Variants in POR observed in about 807,000 individuals in gnomAD.
POR encodes the protein NADPH--cytochrome P450 reductase.
A neutral mutation model predicts 84.0 loss-of-function variants in POR; 56 were observed. The ratio of observed to expected loss-of-function variants is 0.67; its 90% CI spans 0.54 to 0.83. The LOEUF (loss-of-function observed/expected upper bound fraction) is 0.83. Among genes scored for constraint, POR ranks in the 40% least tolerant of loss-of-function variants. POR has a pLI of 0.00. For missense variants in POR, 938 were observed against 944.3 expected (o/e 0.99, Z 0.09); for synonymous variants, 414 against 400.5 (o/e 1.03, Z -0.40).
intron 2 of POR, among the ~76,000 whole-genome samples, chr7:75,959,366 G>C (rs116695005): frequency 2.0e-5 from 3 of 152,318 alleles, no homozygotes; most frequent in Non-Finnish European, 4.4e-5. Flanking sequence ...GAGCAGTAGG[G>C]AGTAATAGGG....
chr7:75,940,910 C>T (rs1451424726), intron 1 of POR, among the ~76,000 whole-genome samples: 1 of 152,186 alleles, frequency 6.6e-6, no homozygotes, highest in African/African-American at 2.4e-5. Flanking sequence ...CCTGGAATCC[C>T]AGGACTTTGG....
At chr7:75,951,475 A>G (rs1787418593) in intron 1 of POR, among the ~76,000 whole-genome samples, 1 of 152,226 alleles carries the variant, frequency 6.6e-6, no homozygotes, top group Admixed American at 6.5e-5. Flanking sequence ...GATTAGTGAG[A>G]AAGCAAAGAC....
chr7:75,967,877 A>G, intron 2 of POR: 3 of 363,130 alleles, frequency 8.3e-6, no homozygotes, highest in South Asian at 5.9e-5. Context: ...ATGGGGGCAG[A>G]CGCAGGCAGG....
At chr7:75,927,449 C>G (rs182273856) in intron 1 of POR, among the ~76,000 whole-genome samples, 58 of 151,172 alleles carry the variant, frequency 3.8e-4, no homozygotes, top group Non-Finnish European at 6.9e-4. Flanking sequence ...AGAGTGAGAC[C>G]CTGTCTCAAA....
In POR at chr7:75,982,087, G is replaced by A. The variant is rs546640988; in HGVS notation, c.732-137G>A. The A allele has an allele frequency of 4.7e-5, 32 of 685,038 alleles. No individual in the cohort carries two copies. The Admixed American group carries it at 5.2e-4, about 11-fold the overall frequency. 42.4% of individuals were successfully genotyped at this position (685,038 alleles called of 1,614,324 possible). On this transcript the variant is annotated intron_variant, in intron 7 of 15. Coordinates refer to ENST00000461988, the MANE Select transcript of POR (RefSeq NM_000941.3). Reference sequence around the variant, plus strand: ...GCCCTCCTTGTGCATCTGCAGCAGGGGCTCCCCTGCTTCTTGTCGTATGTA... The same window carrying A: ...GCCCTCCTTGTGCATCTGCAGCAGGAGCTCCCCTGCTTCTTGTCGTATGTA...
chr7:75,980,279 G>A, intron 4 of POR, 60 bp from the exon 5 acceptor site: 2 of 1,574,360 alleles, frequency 1.3e-6, no homozygotes, highest in South Asian at 1.2e-5. Flanking sequence ...ATCTGGTGCG[G>A]GTTGAACCTT....
At position 75,986,473 on chromosome 7, in the gene POR, T is replaced by G; in HGVS notation, c.2035T>G (p.Trp679Gly). ...CAAGGGCCGCTACTCCCTGGACGTG[T>G]GGAGCTAGGGGCCTGCCTGCCCCAC... The change falls in exon 16 of 16, where the codon TGG becomes GGG. Residue 679 changes from tryptophan (W) to glycine (G), a missense_variant. By Grantham distance (184) the Trp-to-Gly change is radical. Coordinates refer to ENST00000461988, the MANE Select transcript of POR (RefSeq NM_000941.3). 2 of 1,609,724 alleles carry G rather than the reference T, an allele frequency of 1.2e-6. No homozygotes were observed. Among genetic ancestry groups the G allele is most frequent in the Non-Finnish European group, 1.7e-6 (2 of 1,179,612 alleles).
At chr7:75,930,261 T>A (rs1807347888) in intron 1 of POR, among the ~76,000 whole-genome samples, 1 of 152,126 alleles carries the variant, frequency 6.6e-6, no homozygotes, top group African/African-American at 2.4e-5. Flanking sequence ...GGCCTTTCTC[T>A]CTTCTGCAAT....
intron 1 of POR, among the ~76,000 whole-genome samples, chr7:75,953,472 C>G (rs1047509262): frequency 6.6e-6 from 1 of 152,114 alleles, no homozygotes; most frequent in East Asian, 1.9e-4. Context: ...GACACTCTTG[C>G]CAGTCAGGAT....
intron 1 of POR, among the ~76,000 whole-genome samples, chr7:75,926,560 C>T: frequency 6.6e-6 from 1 of 151,916 alleles, no homozygotes; most frequent in Admixed American, 6.6e-5. Flanking sequence ...CTTTGGGAGG[C>T]CGAGGCGGGC....
chr7:75,955,910 C>T (rs959491310), intron 2 of POR, among the ~76,000 whole-genome samples: 2 of 152,174 alleles, frequency 1.3e-5, no homozygotes, highest in South Asian at 2.1e-4. Context: ...CAGCCTTCCC[C>T]GCCAGAACAC....
chr7:75,937,291 C>CAAAAAAAAA (rs1227123390), intron 1 of POR, among the ~76,000 whole-genome samples: 8 of 66,132 alleles, frequency 1.2e-4, no homozygotes, highest in East Asian at 3.9e-4. Context: ...CCCATCTCTA[C>CAAAAAAAAA]AAAAAAAAAA....
rs374505964 is a variant in POR, at chr7:75,985,752, C to T, written c.1572C>T (p.Pro524=). ...TGCGCAAGTCCCAGTTCCGCCTGCC[C>T]TTCAAGGCCACCACGCCTGTCATCA... Residue 524 remains proline, a synonymous_variant, in exon 13 of 16, where the codon CCC becomes CCT. Transcript: ENST00000461988. The T allele has an allele frequency of 1.7e-5, 27 of 1,582,974 alleles. No individual in the cohort carries two copies. The East Asian group carries it at 1.9e-4, about 11-fold the overall frequency.
intron 8 of POR, among the ~76,000 whole-genome samples, chr7:75,982,609 C>T (rs1554558278): frequency 6.6e-6 from 1 of 152,212 alleles, no homozygotes; most frequent in South Asian, 2.1e-4. Flanking sequence ...GGCTAGGATC[C>T]TCTTTGGCAG....
At chr7:75,939,557 T>TTTA (rs1211882606) in intron 1 of POR, among the ~76,000 whole-genome samples, 3 of 148,722 alleles carry the variant, frequency 2.0e-5, no homozygotes, top group African/African-American at 7.8e-5. Context: ...TTTTTTTTTT[T>TTTA]TAAATACAGA....
intron 2 of POR, among the ~76,000 whole-genome samples, chr7:75,965,163 G>A (rs879956255): frequency 6.6e-5 from 10 of 152,222 alleles, no homozygotes; most frequent in Non-Finnish European, 1.5e-4. Context: ...AGCTGACTTG[G>A]AAGCAGGAAG....
chr7:75,961,738 G>C, intron 2 of POR, among the ~76,000 whole-genome samples: 1 of 152,290 alleles, frequency 6.6e-6, no homozygotes, highest in Admixed American at 6.5e-5. Flanking sequence ...GACTCGCCAG[G>C]CATGGCGGCT....
chr7:75,921,073 C>T (rs1806832126), intron 1 of POR: 1 of 152,310 alleles, frequency 6.6e-6, no homozygotes, highest in Non-Finnish European at 1.5e-5. Context: ...ACTCAGGAGT[C>T]ATTCAGCGTC....
chr7:75,975,216 T>C (rs782093919), intron 3 of POR, among the ~76,000 whole-genome samples: 1 of 152,174 alleles, frequency 6.6e-6, no homozygotes, highest in South Asian at 2.1e-4. Context: ...TAAAATCTGA[T>C]CTATTGGGAA....
Sources: gnomAD v4.1 joint callset for allele counts (sites outside exome capture counted in the v4.1 genomes callset) on GRCh38, gnomAD v4.1.1 for gene constraint, MANE v1.5 for transcripts, NCBI Gene and HGNC (gene_info 2026-07-23, HGNC 2026-07-21) for gene names.